Variants in RAB11FIP3 observed in about 807,000 individuals in gnomAD.
RAB11FIP3 encodes RAB11 family interacting protein 3, also known as rab11 family-interacting protein 3.
In RAB11FIP3, 17 loss-of-function variants were observed where a neutral mutation model predicts 77.8. That is an observed-to-expected ratio of 0.22 (90% CI 0.15 to 0.33). The LOEUF (loss-of-function observed/expected upper bound fraction) is 0.33. Ranked by LOEUF, RAB11FIP3 falls within the 10% of genes least tolerant of loss-of-function variation. RAB11FIP3 has a pLI of 1.00. For missense variants in RAB11FIP3, 1,005 were observed against 1,011.2 expected, an observed-to-expected ratio of 0.99 and a Z score of 0.08; for synonymous variants, 437 against 448.2, an observed-to-expected ratio of 0.98 and a Z score of 0.31.
intron 4 of RAB11FIP3, among the ~76,000 whole-genome samples, chr16:483,517 T>G (rs1358234585): frequency 6.6e-6 from 1 of 152,222 alleles, no homozygotes; most frequent in Non-Finnish European, 1.5e-5. Context: ...AGCCTGACTC[T>G]AGTGTAGCAT....
chr16:444,498 T>C (rs892787503), intron 1 of RAB11FIP3, among the ~76,000 whole-genome samples: 10 of 152,218 alleles, frequency 6.6e-5, no homozygotes, highest in African/African-American at 2.4e-4. Flanking sequence ...GTTACTTCAT[T>C]CAGCAAGGTC....
chr16:455,432 C>G (rs62033164), intron 1 of RAB11FIP3, among the ~76,000 whole-genome samples: 51,873 of 150,548 alleles, frequency 0.34, 10,853 homozygotes, highest in Middle Eastern at 0.49. Context: ...TGAGATCACA[C>G]CACTGCACTC....
chr16:482,926 C>T (rs758232411), intron 4 of RAB11FIP3, among the ~76,000 whole-genome samples, 190 bp downstream of exon 4: 3 of 152,178 alleles, frequency 2.0e-5, no homozygotes, highest in Admixed American at 1.3e-4. Flanking sequence ...CCGCCTTGCC[C>T]GAGCAGTCTC....
In RAB11FIP3 at chr16:506,970, T is replaced by C. The variant is rs2031906360; in HGVS notation, c.1499+1343T>C. Among the ~76,000 whole-genome samples the C allele has an allele frequency of 6.6e-6, 1 of 152,186 alleles. No individual in the cohort carries two copies. The highest frequency in any genetic ancestry group is 1.5e-5 in the Non-Finnish European group (1 of 68,024). On this transcript the variant is annotated intron_variant, in intron 8 of 13. Transcript: ENST00000262305. The surrounding 1 kb of genome is among the most constrained non-coding windows in gnomAD (Gnocchi z 4.5). ...GGGGGGCTGCCAGATGCACTTGTTT[T>C]GTTTTGTTTTTTGAGAGACAGGGCC...
At chr16:474,130 A>G (rs1389994532) in intron 3 of RAB11FIP3, among the ~76,000 whole-genome samples, 1 of 152,084 alleles carries the variant, frequency 6.6e-6, no homozygotes, top group South Asian at 2.1e-4. Context: ...AAAAAAAAAA[A>G]GTCTAATAAA....
Position 519,208 on chromosome 16 carries a change from G to C in RAB11FIP3, c.1722+184G>C, listed in dbSNP as rs189997007. 2.6e-3 allele frequency: 1,611 copies of C among 625,240 alleles called. 5 individuals carry two copies. The highest frequency in any genetic ancestry group is 3.5e-3 in the Non-Finnish European group (1,256 of 359,418). The allele number at this position is 625,240 out of a possible 1,614,324, so 38.7% of individuals were successfully genotyped here. A position where few individuals can be genotyped will look rare whatever the true frequency, so the allele number is the denominator to read the frequency against. On this transcript the variant is annotated intron_variant, in intron 10 of 13. Coordinates refer to ENST00000262305, the MANE Select transcript of RAB11FIP3 (RefSeq NM_014700.4). ...ACCGTGCTCCACCCACAGGAGCAGG[G>C]CCCAGAGGCTCACTCCTAGATGGAC...
intron 3 of RAB11FIP3, among the ~76,000 whole-genome samples, chr16:475,954 T>C (rs981900916): frequency 5.9e-5 from 9 of 152,112 alleles, no homozygotes; most frequent in Non-Finnish European, 1.0e-4. Flanking sequence ...CCTCCCAGAT[T>C]CAAGTGATTC....
Position 488,914 on chromosome 16 carries a change from C to T in RAB11FIP3, c.1179C>T (p.Tyr393=), listed in dbSNP as rs538129861. 4.6e-5 allele frequency: 74 copies of T among 1,614,036 alleles called. No homozygotes were observed. The highest frequency in any genetic ancestry group is 1.7e-4 in the Admixed American group (10 of 59,996). ...VIGGEEHFED[Y]GEGSEAELSP... is the part of the protein sequence containing the mutation. ...GGGGCGAGGAGCACTTTGAGGACTA[C>T]GGTGAAGGCAGTGAGGCGGAGCTGT... Residue 393 remains tyrosine, a synonymous_variant, in exon 5 of 14, where the codon TAC becomes TAT. Transcript: ENST00000262305.
At chr16:511,938 GC>G (rs2032196996) in intron 9 of RAB11FIP3, among the ~76,000 whole-genome samples, 1 of 87,954 alleles carries the variant, frequency 1.1e-5, no homozygotes, top group Non-Finnish European at 2.2e-5. Context: ...CCGACGGCCC[GC>G]CCACCCCAGA....
intron 6 of RAB11FIP3, chr16:497,146 T>A: frequency 1.4e-6 from 1 of 693,092 alleles, no homozygotes; most frequent in Non-Finnish European, 2.2e-6. Flanking sequence ...CATCCCCAGA[T>A]GTCTGCTCTA....
chr16:431,517 C>A (rs752137371), intron 1 of RAB11FIP3, among the ~76,000 whole-genome samples: 1 of 151,968 alleles, frequency 6.6e-6, no homozygotes, highest in Non-Finnish European at 1.5e-5. Context: ...GTAGCTTGGA[C>A]TACAGGCGTG....
At chr16:484,414 C>T (rs1418414140) in intron 4 of RAB11FIP3, among the ~76,000 whole-genome samples, 3 of 151,742 alleles carry the variant, frequency 2.0e-5, no homozygotes, top group Non-Finnish European at 4.4e-5. Context: ...TGCAGTGGTG[C>T]GATCTCAGCT....
intron 5 of RAB11FIP3, among the ~76,000 whole-genome samples, chr16:494,588 C>T (rs2030932816): frequency 6.6e-6 from 1 of 151,874 alleles, no homozygotes; most frequent in African/African-American, 2.4e-5. Context: ...TGCCACTGCA[C>T]TCCAGCCTGG....
At chr16:443,282 C>T (rs746817573) in intron 1 of RAB11FIP3, among the ~76,000 whole-genome samples, 6 of 151,870 alleles carry the variant, frequency 4.0e-5, no homozygotes, top group Non-Finnish European at 5.9e-5. Context: ...GCCTTTAAAG[C>T]GAAAGCAAGA....
chr16:472,137 C>T lies in RAB11FIP3; in HGVS notation c.903+748C>T, dbSNP rs1231172262. ...ATGTCAGTCCTCTGAGCCCTGACTC[C>T]TCGAAAGCTGAGGCTGGCACAGGGT... On this transcript the variant is annotated intron_variant, in intron 3 of 13. Coordinates refer to ENST00000262305, the MANE Select transcript of RAB11FIP3 (RefSeq NM_014700.4). The surrounding 1 kb of genome is among the most constrained non-coding windows in gnomAD (Gnocchi z 4.1). Among the ~76,000 whole-genome samples the T allele has an allele frequency of 6.6e-6, 1 of 152,202 alleles. No homozygotes were observed. The highest frequency in any genetic ancestry group is 1.5e-5 in the Non-Finnish European group (1 of 68,036).
chr16:492,238 C>A (rs1037257917), intron 5 of RAB11FIP3, among the ~76,000 whole-genome samples: 1 of 152,188 alleles, frequency 6.6e-6, no homozygotes, highest in African/African-American at 2.4e-5. Flanking sequence ...AAGCACAGGG[C>A]CCCCAGCCAG....
intron 6 of RAB11FIP3, chr16:497,592 G>A: frequency 1.5e-6 from 1 of 685,602 alleles, no homozygotes; most frequent in East Asian, 8.7e-5. Flanking sequence ...GTTGTGCCGG[G>A]CGTTCTCCAG....
intron 5 of RAB11FIP3, among the ~76,000 whole-genome samples, chr16:495,099 C>T (rs899971166): frequency 6.6e-6 from 1 of 152,156 alleles, no homozygotes; most frequent in Non-Finnish European, 1.5e-5. Flanking sequence ...CAGAGTCATA[C>T]CTTGCCTCTA....
intron 4 of RAB11FIP3, among the ~76,000 whole-genome samples, chr16:486,530 C>T (rs982130493): frequency 6.6e-6 from 1 of 152,166 alleles, no homozygotes; most frequent in Non-Finnish European, 1.5e-5. Context: ...TTGGGGGACA[C>T]ACATTTTGAA....
Sources: gnomAD v4.1 joint callset for allele counts (sites outside exome capture counted in the v4.1 genomes callset) on GRCh38, gnomAD v4.1.1 for gene constraint, Gnocchi (gnomAD v3.1) non-coding constraint, MANE v1.5 for transcripts, NCBI Gene and HGNC (gene_info 2026-07-23, HGNC 2026-07-21) for gene names.